The following MAPK9 variants were observed in gnomAD, a reference collection of about 807,000 sequenced individuals.
The protein encoded by MAPK9 is mitogen-activated protein kinase 9, also known as Jun kinase.
Under a neutral mutation model 57.1 loss-of-function variants are expected in MAPK9, and 30 were observed. The ratio of observed to expected loss-of-function variants is 0.53; its 90% CI spans 0.39 to 0.71. MAPK9 has a LOEUF of 0.71. Ranked by LOEUF, MAPK9 falls within the 30% of genes least tolerant of loss-of-function variation. MAPK9 has a pLI of 0.00. For missense variants in MAPK9, 362 were observed against 521.0 expected (o/e 0.69, Z 2.97); for synonymous variants, 155 against 177.0 (o/e 0.88, Z 0.99).
At chr5:180,238,122 T>G (rs1214336770) in intron 11 of MAPK9, 1 of 372,314 alleles carries the variant, frequency 2.7e-6, no homozygotes, top group Non-Finnish European at 5.0e-6. Context: ...ATACAAAAAT[T>G]AGCAGGGCAT....
At chr5:180,276,640 G>C (rs1443885637) in intron 2 of MAPK9, among the ~76,000 whole-genome samples, 1 of 152,218 alleles carries the variant, frequency 6.6e-6, no homozygotes. Flanking sequence ...CAGATCACGA[G>C]ATCAAGAGAT....
intron 1 of MAPK9, among the ~76,000 whole-genome samples, chr5:180,287,341 T>C (rs939878741): frequency 1.3e-5 from 2 of 152,212 alleles, no homozygotes; most frequent in African/African-American, 4.8e-5. Flanking sequence ...GGGAGAAAGC[T>C]GGGGGAAGGG....
chr5:180,269,255 C>A, intron 3 of MAPK9, 25 bp downstream of exon 3: 1 of 1,606,146 alleles, frequency 6.2e-7, no homozygotes, highest in Non-Finnish European at 8.5e-7. Flanking sequence ...TGGAAGCACA[C>A]AGACAAAATA....
At chr5:180,278,957 CTT>C (rs751873959) in intron 2 of MAPK9, among the ~76,000 whole-genome samples, 10 of 139,820 alleles carry the variant, frequency 7.2e-5, no homozygotes, top group Admixed American at 7.2e-5. Flanking sequence ...AACTTTAAAA[CTT>C]TTTTTTTTTT....
At chr5:180,277,789 CT>C (rs1287361735) in intron 2 of MAPK9, among the ~76,000 whole-genome samples, 4 of 152,024 alleles carry the variant, frequency 2.6e-5, no homozygotes, top group East Asian at 3.9e-4. Flanking sequence ...GAAAAGCAAG[CT>C]TTTTTTTCTT....
At chr5:180,268,726 C>A (rs1248822856) in intron 3 of MAPK9, among the ~76,000 whole-genome samples, 1 of 151,686 alleles carries the variant, frequency 6.6e-6, no homozygotes, top group Non-Finnish European at 1.5e-5. Context: ...ACTCAGGAGG[C>A]TGAGGCAGGA....
rs1759964092 is a variant in MAPK9, at chr5:180,261,545, C to G, written c.450+139G>C. The G allele has an allele frequency of 3.4e-6, 3 of 881,498 alleles. No homozygotes were observed. In the African/African-American group the frequency reaches 5.2e-5, roughly 15 times the overall value. The allele number at this position is 881,498 out of a possible 1,614,324, so 54.6% of individuals were successfully genotyped here. On this transcript the variant is annotated intron_variant, in intron 5 of 11. Transcript: ENST00000452135. ...TCCACAGATGCCTCCTAGAATGACTCTCTTAAAACACCATATGATTCCATC... is the reference window on the plus strand; with the variant it reads ...TCCACAGATGCCTCCTAGAATGACTGTCTTAAAACACCATATGATTCCATC...
chr5:180,246,013 A>G (rs2127580022), intron 7 of MAPK9: 2 of 152,346 alleles, frequency 1.3e-5, no homozygotes, highest in African/African-American at 4.8e-5. Flanking sequence ...AATTACTGAC[A>G]TTAATGTTCA....
At chr5:180,259,248 C>T (rs1436790920) in intron 5 of MAPK9, among the ~76,000 whole-genome samples, 8 of 152,122 alleles carry the variant, frequency 5.3e-5, no homozygotes, top group Admixed American at 5.2e-4. Flanking sequence ...TTCCAGTTCT[C>T]TATGTAAACA....
Position 180,247,592 on chromosome 5 carries a change from A to T in MAPK9, c.617-82T>A. On this transcript the variant is annotated intron_variant, in intron 6 of 11. Coordinates refer to ENST00000452135, the MANE Select transcript of MAPK9 (RefSeq NM_002752.5). The surrounding 1 kb of genome is among the most constrained non-coding windows in gnomAD (Gnocchi z 4.5). ...GGAAAAGGAATTCTAACAGTGCACTAAACACACAAATATGGAAAAATAAAT... is the reference window on the plus strand; with the variant it reads ...GGAAAAGGAATTCTAACAGTGCACTTAACACACAAATATGGAAAAATAAAT... 1 of 1,199,346 alleles carries T rather than the reference A, an allele frequency of 8.3e-7. No individual in the cohort carries two copies. Among genetic ancestry groups the T allele is most frequent in the South Asian group, 1.3e-5 (1 of 78,584 alleles). The allele number at this position is 1,199,346 out of a possible 1,614,324, so 74.3% of individuals were successfully genotyped here. A position where few individuals can be genotyped will look rare whatever the true frequency, so the allele number is the denominator to read the frequency against.
Position 180,280,582 on chromosome 5 carries a change from C to T in MAPK9, c.-21G>A. On this transcript the variant is annotated 5_prime_UTR_variant, in exon 2 of 12. Coordinates refer to ENST00000452135, the MANE Select transcript of MAPK9 (RefSeq NM_002752.5). The stretch of plus-strand genomic sequence containing the variant: ...CTCATGATGCAGCGTCCTGCAATAT[C>T]CCGAAGGGTGGGCAAGTTTCAGATC... The T allele has an allele frequency of 6.2e-7, 1 of 1,604,402 alleles. No homozygotes were observed. The highest frequency in any genetic ancestry group is 8.5e-7 in the Non-Finnish European group (1 of 1,175,730).
At position 180,269,266 on chromosome 5, in the gene MAPK9, C is replaced by A. The variant is rs769068093; in HGVS notation, c.252+14G>T. On this transcript the variant is annotated intron_variant, in intron 3 of 11. Coordinates refer to ENST00000452135, the MANE Select transcript of MAPK9 (RefSeq NM_002752.5). ...AATATGGAAGCACACAGACAAAATA[C>A]ATACATAACTTACATTTTTATGATT... The A allele has an allele frequency of 1.2e-6, 2 of 1,611,206 alleles. No individual in the cohort carries two copies. Among genetic ancestry groups the A allele is most frequent in the African/African-American group, 1.3e-5 (1 of 74,876 alleles).
At chr5:180,241,679 G>C (rs1394312896) in intron 8 of MAPK9, among the ~76,000 whole-genome samples, 1 of 152,218 alleles carries the variant, frequency 6.6e-6, no homozygotes, top group East Asian at 1.9e-4. Context: ...TTACGCCTCT[G>C]GATCTGCAAG....
In MAPK9 at chr5:180,247,241, A is replaced by G; in HGVS notation, c.688+198T>C. ...TCTAAGTCTCAAAGTCATCACAGGTAGTCAAGTTAAAAATAAAGAATGAAA... is the reference window on the plus strand; with the variant it reads ...TCTAAGTCTCAAAGTCATCACAGGTGGTCAAGTTAAAAATAAAGAATGAAA... On this transcript the variant is annotated intron_variant, in intron 7 of 11. Coordinates refer to ENST00000452135, the MANE Select transcript of MAPK9 (RefSeq NM_002752.5). The surrounding 1 kb of genome is among the most constrained non-coding windows in gnomAD (Gnocchi z 4.5). 1 of 609,474 alleles carries G rather than the reference A, an allele frequency of 1.6e-6. No homozygotes were observed. Among genetic ancestry groups the G allele is most frequent in the Non-Finnish European group, 2.9e-6 (1 of 347,360 alleles). The allele number at this position is 609,474 out of a possible 1,614,324, so 37.8% of individuals were successfully genotyped here. A position where few individuals can be genotyped will look rare whatever the true frequency, so the allele number is the denominator to read the frequency against.
chr5:180,241,393 G>A (rs1757646126), intron 8 of MAPK9, among the ~76,000 whole-genome samples: 1 of 151,858 alleles, frequency 6.6e-6, no homozygotes, highest in South Asian at 2.1e-4. Context: ...CACCTCCCGG[G>A]TTCACGCCAT....
At position 180,260,294 on chromosome 5, in the gene MAPK9, A is replaced by G. The variant is rs78962225; in HGVS notation, c.450+1390T>C. On this transcript the variant is annotated intron_variant, in intron 5 of 11. Transcript: ENST00000452135. ...ATGCAAACTGGAGATGGATCTTTAA[A>G]TACAAGAAGGTATTCTGTATCTAAA... Among the ~76,000 whole-genome samples, 547 of 152,374 alleles carry G rather than the reference A, an allele frequency of 3.6e-3. 4 individuals carry two copies. The highest frequency in any genetic ancestry group is 0.013 in the African/African-American group (520 of 41,588).
At chr5:180,288,302 C>G (rs1762946576) in intron 1 of MAPK9, among the ~76,000 whole-genome samples, 1 of 152,078 alleles carries the variant, frequency 6.6e-6, no homozygotes, top group African/African-American at 2.4e-5. Context: ...ACCAAGAAAA[C>G]AAAGAAATAG....
chr5:180,249,941 C>T (rs553828067), intron 5 of MAPK9, among the ~76,000 whole-genome samples: 2 of 152,322 alleles, frequency 1.3e-5, no homozygotes, highest in South Asian at 4.1e-4. Flanking sequence ...CTGGACAGCA[C>T]AGGTCTAGAA....
chr5:180,266,813 T>C (rs759757602), intron 3 of MAPK9, among the ~76,000 whole-genome samples: 2 of 152,200 alleles, frequency 1.3e-5, no homozygotes, highest in Admixed American at 1.3e-4. Context: ...TGTCAGTATA[T>C]TTTAAACTAG....
Sources: allele counts gnomAD v4.1 joint callset (sites outside exome capture counted in the v4.1 genomes callset), GRCh38; gene constraint gnomAD v4.1.1; non-coding constraint Gnocchi (gnomAD v3.1); transcripts MANE v1.5; gene names NCBI Gene and HGNC (gene_info 2026-07-23, HGNC 2026-07-21).